Variants in GSG1L observed in about 807,000 individuals in gnomAD.
GSG1L encodes the protein GSG1 like.
In GSG1L, 24 loss-of-function variants were observed where a neutral mutation model predicts 42.1. That is an observed-to-expected ratio of 0.57 (90% CI 0.41 to 0.80). GSG1L has a LOEUF of 0.80. Ranked by LOEUF, GSG1L falls within the 30% of genes least tolerant of loss-of-function variation. GSG1L has a pLI of 0.00. For missense variants in GSG1L, 445 were observed against 472.2 expected (o/e 0.94, Z 0.53); for synonymous variants, 215 against 203.5 (o/e 1.06, Z -0.48).
intron 1 of GSG1L, among the ~76,000 whole-genome samples, chr16:28,014,548 C>T (rs570835265): frequency 2.9e-4 from 44 of 152,064 alleles, no homozygotes; most frequent in South Asian, 4.2e-4. Context: ...CTGTCACCCA[C>T]GCTGGAGTGC....
intron 4 of GSG1L, among the ~76,000 whole-genome samples, chr16:27,843,819 T>TC (rs1304345543): frequency 6.6e-6 from 1 of 152,046 alleles, no homozygotes; most frequent in Non-Finnish European, 1.5e-5. Flanking sequence ...CTCATGATAT[T>TC]CCCCCAGCTG....
At chr16:27,949,953 A>C (rs1205829408) in intron 2 of GSG1L, among the ~76,000 whole-genome samples, 2 of 151,828 alleles carry the variant, frequency 1.3e-5, no homozygotes, top group Admixed American at 1.3e-4. Flanking sequence ...AACAAACAAA[A>C]AGGAAACATG....
At chr16:27,898,884 A>G (rs954872548) in intron 2 of GSG1L, among the ~76,000 whole-genome samples, 1 of 152,250 alleles carries the variant, frequency 6.6e-6, no homozygotes, top group African/African-American at 2.4e-5. Context: ...CCACATGGAA[A>G]TAGTGGCTGG....
chr16:27,823,567 G>A lies in GSG1L; in HGVS notation c.830+5222C>T, dbSNP rs115565899. Among the ~76,000 whole-genome samples, 1,147 of 152,172 alleles carry A rather than the reference G, an allele frequency of 7.5e-3. 13 individuals are homozygous for A. Among genetic ancestry groups the A allele is most frequent in the African/African-American group, 0.026 (1,076 of 41,474 alleles). On this transcript the variant is annotated intron_variant, in intron 5 of 6. Coordinates refer to ENST00000447459, the MANE Select transcript of GSG1L (RefSeq NM_001109763.2). Reference sequence around the variant, plus strand: ...TCCAGGAGGACAGCAGGAAAGACTCGGATGAAATGGGCTCCAGAAAGCCCT... The same window carrying A: ...TCCAGGAGGACAGCAGGAAAGACTCAGATGAAATGGGCTCCAGAAAGCCCT...
At chr16:27,841,368 T>C (rs1221600520) in intron 4 of GSG1L, among the ~76,000 whole-genome samples, 1 of 152,178 alleles carries the variant, frequency 6.6e-6, no homozygotes, top group Non-Finnish European at 1.5e-5. Context: ...CATGGAGACC[T>C]TCTACTTCTT....
At position 28,034,586 on chromosome 16, in the gene GSG1L, C is replaced by G. The variant is rs146735688; in HGVS notation, c.349+28490G>C. On this transcript the variant is annotated intron_variant, in intron 1 of 6. Transcript: ENST00000447459. ...CTTTCTATTTCTCAGAGGTCTGCATCCTTTGTTGGACTTGTCATCCCATGG... is the reference window on the plus strand; with the variant it reads ...CTTTCTATTTCTCAGAGGTCTGCATGCTTTGTTGGACTTGTCATCCCATGG... Among the ~76,000 whole-genome samples, 65 of 152,204 alleles carry G rather than the reference C, an allele frequency of 4.3e-4. No homozygotes were observed. In the East Asian group the frequency reaches 6.8e-3, roughly 16 times the overall value.
chr16:28,023,305 C>A (rs1350079809), intron 1 of GSG1L, among the ~76,000 whole-genome samples: 61 of 152,106 alleles, frequency 4.0e-4, no homozygotes, highest in Admixed American at 4.0e-3. Context: ...TCATTTCATC[C>A]TTTTTAGTGG....
intron 5 of GSG1L, among the ~76,000 whole-genome samples, chr16:27,820,941 C>T (rs1348374753): frequency 3.3e-5 from 5 of 152,166 alleles, no homozygotes; most frequent in Admixed American, 6.5e-5. Flanking sequence ...CTTCGTGTGT[C>T]GGCCCCTCCT....
At chr16:27,835,880 C>T (rs78744978) in intron 4 of GSG1L, among the ~76,000 whole-genome samples, 24 of 152,264 alleles carry the variant, frequency 1.6e-4, no homozygotes, top group African/African-American at 5.8e-4. Flanking sequence ...TCTGCTTCAA[C>T]CATCAAACAT....
At chr16:27,808,088 C>G in intron 5 of GSG1L, among the ~76,000 whole-genome samples, 1 of 151,032 alleles carries the variant, frequency 6.6e-6, no homozygotes, top group South Asian at 2.1e-4. Flanking sequence ...ATTTCCCTCC[C>G]CTCCGCCCAC....
intron 6 of GSG1L, among the ~76,000 whole-genome samples, chr16:27,799,668 G>A (rs12599370): frequency 0.17 from 26,392 of 152,092 alleles, 2,337 homozygotes; most frequent in African/African-American, 0.22. Context: ...GGCCTCATGG[G>A]AACTTGTGAA....
chr16:27,874,077 C>G (rs1416546442), intron 3 of GSG1L, among the ~76,000 whole-genome samples: 9 of 152,170 alleles, frequency 5.9e-5, no homozygotes, highest in African/African-American at 2.2e-4. Context: ...TCCTGTCTCC[C>G]CACCCAGGAC....
rs976994150 is a variant in GSG1L at position 28,058,825 on chromosome 16, G to A, written c.349+4251C>T. On this transcript the variant is annotated intron_variant, in intron 1 of 6. Transcript: ENST00000447459. ...CTGTAGCAGCATAATTTAGGGGACT[G>A]GGCAGAAGAGCTGGGGTTCTCTGTT... Among the ~76,000 whole-genome samples, 8 of 152,268 alleles carry A rather than the reference G, an allele frequency of 5.3e-5. 1 individual carries two copies. Among genetic ancestry groups the A allele is most frequent in the Admixed American group, 5.2e-4 (8 of 15,292 alleles).
At chr16:27,934,676 C>T (rs995515134) in intron 2 of GSG1L, among the ~76,000 whole-genome samples, 8 of 152,202 alleles carry the variant, frequency 5.3e-5, no homozygotes, top group African/African-American at 1.7e-4. Flanking sequence ...GTGGCTCCAG[C>T]GTGCAGCGGC....
chr16:28,037,210 G>A (rs1246356244), intron 1 of GSG1L, among the ~76,000 whole-genome samples: 2 of 152,214 alleles, frequency 1.3e-5, no homozygotes, highest in African/African-American at 4.8e-5. Flanking sequence ...ATTTTTAGCA[G>A]AGATGGGGTT....
intron 2 of GSG1L, among the ~76,000 whole-genome samples, chr16:27,948,232 G>T (rs2084907243): frequency 6.6e-6 from 1 of 152,194 alleles, no homozygotes. Context: ...GGTTGGGAAA[G>T]ATGATGTAAA....
chr16:28,016,086 C>G (rs2141161006), intron 1 of GSG1L, among the ~76,000 whole-genome samples: 1 of 152,278 alleles, frequency 6.6e-6, no homozygotes, highest in Middle Eastern at 3.4e-3. Context: ...CACCTCCAGG[C>G]TCAAGTGATT....
At chr16:27,947,585 G>GAAAGAAAGAA (rs1567530919) in intron 2 of GSG1L, among the ~76,000 whole-genome samples, 16 of 104,324 alleles carry the variant, frequency 1.5e-4, no homozygotes, top group Admixed American at 1.1e-3. Flanking sequence ...AAGAAAGAAA[G>GAAAGAAAGAA]AAAGAAAGAA....
intron 1 of GSG1L, among the ~76,000 whole-genome samples, chr16:27,985,888 G>A (rs1017979453): frequency 1.3e-5 from 2 of 151,964 alleles, no homozygotes; most frequent in Non-Finnish European, 2.9e-5. Context: ...AGACTAACAC[G>A]ACTCCTTGAG....
Sources: gnomAD v4.1 joint callset for allele counts (sites outside exome capture counted in the v4.1 genomes callset) on GRCh38, gnomAD v4.1.1 for gene constraint, MANE v1.5 for transcripts, NCBI Gene and HGNC (gene_info 2026-07-23, HGNC 2026-07-21) for gene names.